Variants in MYRIP observed in about 807,000 individuals in gnomAD.
The protein encoded by MYRIP is rab effector MyRIP.
Under a neutral mutation model 98.0 loss-of-function variants are expected in MYRIP, and 49 were observed. That is an observed-to-expected ratio of 0.50 (90% CI 0.40 to 0.63). MYRIP has a LOEUF of 0.63. Among genes scored for constraint, MYRIP ranks in the 30% least tolerant of loss-of-function variants. The pLI is 0.00. For missense variants in MYRIP, 1,004 were observed against 1,058.2 expected (o/e 0.95, Z 0.71); for synonymous variants, 404 against 409.5 (o/e 0.99, Z 0.16).
At chr3:39,973,442 C>T (rs1252077834) in intron 2 of MYRIP, among the ~76,000 whole-genome samples, 1 of 152,096 alleles carries the variant, frequency 6.6e-6, no homozygotes, top group Non-Finnish European at 1.5e-5. Context: ...GACTCCCACA[C>T]AATAATAATG....
intron 2 of MYRIP, among the ~76,000 whole-genome samples, chr3:39,924,322 A>G (rs1202560497): frequency 6.6e-6 from 1 of 152,148 alleles, no homozygotes; most frequent in African/African-American, 2.4e-5. Flanking sequence ...TTTAAAAATC[A>G]GGATTAGCTA....
In MYRIP at chr3:39,853,967, A is replaced by T. The variant is rs186352370; in HGVS notation, c.-31+44051A>T. Among the ~76,000 whole-genome samples, 192 of 152,244 alleles carry T rather than the reference A, an allele frequency of 1.3e-3. 2 individuals are homozygous for T. Among genetic ancestry groups the T allele is most frequent in the Non-Finnish European group, 2.4e-4 (16 of 68,012 alleles). On this transcript the variant is annotated intron_variant, in intron 1 of 16. Coordinates refer to ENST00000302541, the MANE Select transcript of MYRIP (RefSeq NM_015460.4). ...TGAGGACCCAGTTTTACTCTTCTCCATGTGGCTTGCCAGTTATCCCAGCAC... is the reference window on the plus strand; with the variant it reads ...TGAGGACCCAGTTTTACTCTTCTCCTTGTGGCTTGCCAGTTATCCCAGCAC...
chr3:40,008,546 A>G (rs1278618770), intron 2 of MYRIP, among the ~76,000 whole-genome samples: 1 of 152,096 alleles, frequency 6.6e-6, no homozygotes, highest in Non-Finnish European at 1.5e-5. Context: ...GAAGGAAGAG[A>G]GTATATTGCA....
intron 3 of MYRIP, among the ~76,000 whole-genome samples, chr3:40,140,467 G>A (rs1224155060): frequency 6.6e-6 from 1 of 152,092 alleles, no homozygotes; most frequent in Non-Finnish European, 1.5e-5. Context: ...CCTTTCATTT[G>A]GATAAATTCC....
intron 3 of MYRIP, among the ~76,000 whole-genome samples, chr3:40,117,901 T>A (rs1291628188): frequency 6.6e-6 from 1 of 152,058 alleles, no homozygotes. Context: ...AATAAAAACA[T>A]CTCTACAGCA....
chr3:40,012,790 C>T (rs1946791058), intron 2 of MYRIP, among the ~76,000 whole-genome samples: 2 of 152,164 alleles, frequency 1.3e-5, no homozygotes, highest in Admixed American at 6.5e-5. Flanking sequence ...GGTTCTCAGG[C>T]CTTAGGACTG....
At chr3:39,816,985 C>T (rs1329796015) in intron 1 of MYRIP, among the ~76,000 whole-genome samples, 2 of 152,164 alleles carry the variant, frequency 1.3e-5, no homozygotes, top group Non-Finnish European at 2.9e-5. Flanking sequence ...ATATGTAGGT[C>T]CCCATTGTGA....
upstream of MYRIP, among the ~76,000 whole-genome samples, chr3:39,809,227 A>G (rs975344536): frequency 6.6e-6 from 1 of 152,032 alleles, no homozygotes; most frequent in Non-Finnish European, 1.5e-5. Context: ...CAGAGGCAGG[A>G]GACAGGAAAA....
intron 1 of MYRIP, among the ~76,000 whole-genome samples, chr3:39,840,931 T>C (rs1479666820): frequency 6.6e-6 from 1 of 152,152 alleles, no homozygotes; most frequent in Non-Finnish European, 1.5e-5. Flanking sequence ...ATCTGAAAAT[T>C]ATGTGTCTTG....
At chr3:39,888,810 A>G (rs546128107) in intron 1 of MYRIP, among the ~76,000 whole-genome samples, 182 of 152,348 alleles carry the variant, frequency 1.2e-3, no homozygotes, top group African/African-American at 4.0e-3. Flanking sequence ...AGAATCTACA[A>G]TGAACTCAAA....
intron 10 of MYRIP, among the ~76,000 whole-genome samples, chr3:40,206,940 G>C (rs1228615495): frequency 6.6e-6 from 1 of 152,128 alleles, no homozygotes; most frequent in Non-Finnish European, 1.5e-5. Flanking sequence ...CAATAATTGA[G>C]CCAAAGCTTA....
At chr3:40,022,577 A>T (rs2125808342) in intron 2 of MYRIP, among the ~76,000 whole-genome samples, 1 of 152,284 alleles carries the variant, frequency 6.6e-6, no homozygotes, top group East Asian at 1.9e-4. Flanking sequence ...GTTTTGAGGC[A>T]GATCTCTCTG....
At chr3:40,007,288 C>G (rs1041125427) in intron 2 of MYRIP, among the ~76,000 whole-genome samples, 1 of 151,944 alleles carries the variant, frequency 6.6e-6, no homozygotes, top group Non-Finnish European at 1.5e-5. Flanking sequence ...TCATCATTCT[C>G]CTGTGAGCTA....
At chr3:40,141,430 G>T (rs1453921634) in intron 3 of MYRIP, among the ~76,000 whole-genome samples, 1 of 152,098 alleles carries the variant, frequency 6.6e-6, no homozygotes, top group Admixed American at 6.6e-5. Flanking sequence ...TGTTTCCTTT[G>T]TTGTGCAGAA....
intron 2 of MYRIP, among the ~76,000 whole-genome samples, chr3:39,976,052 T>A (rs200540723): frequency 5.9e-5 from 9 of 151,548 alleles, no homozygotes; most frequent in East Asian, 3.9e-4. Flanking sequence ...GACAAATGGG[T>A]TCTAATTAAA....
chr3:39,828,387 C>G (rs1463872526), intron 1 of MYRIP, among the ~76,000 whole-genome samples: 1 of 151,790 alleles, frequency 6.6e-6, no homozygotes, highest in East Asian at 1.9e-4. Context: ...TTGAGGCTCC[C>G]TATTTATTAG....
intron 3 of MYRIP, among the ~76,000 whole-genome samples, chr3:40,070,600 G>T (rs532278008): frequency 6.6e-6 from 1 of 152,232 alleles, no homozygotes; most frequent in East Asian, 1.9e-4. Context: ...ATCAGCGATG[G>T]CATTAGATTC....
At chr3:39,934,516 A>G (rs1944613911) in intron 2 of MYRIP, among the ~76,000 whole-genome samples, 1 of 152,096 alleles carries the variant, frequency 6.6e-6, no homozygotes, top group Non-Finnish European at 1.5e-5. Context: ...AGAACAGGCA[A>G]GAGCAACCAG....
intron 8 of MYRIP, among the ~76,000 whole-genome samples, chr3:40,181,051 C>T (rs1950871806): frequency 6.6e-6 from 1 of 152,190 alleles, no homozygotes; most frequent in Admixed American, 6.5e-5. Context: ...AGTGTTGTCA[C>T]CCAAGTATCC....
Sources: gnomAD v4.1 joint callset for allele counts (sites outside exome capture counted in the v4.1 genomes callset) on GRCh38, gnomAD v4.1.1 for gene constraint, MANE v1.5 for transcripts, NCBI Gene and HGNC (gene_info 2026-07-23, HGNC 2026-07-21) for gene names.